The following GABPB2 variants were observed in gnomAD, a reference collection of about 807,000 sequenced individuals.
GABPB2 encodes the protein GA binding protein transcription factor subunit beta 2, also known as GA-binding protein subunit beta-2.
GABPB2 carries 23 observed loss-of-function variants against 39.1 expected under a neutral mutation model. The ratio of observed to expected loss-of-function variants is 0.59; its 90% CI spans 0.42 to 0.83. The LOEUF is 0.83. Among genes scored for constraint, GABPB2 ranks in the 40% least tolerant of loss-of-function variants. The pLI, the probability that GABPB2 is intolerant of heterozygous loss-of-function variation, is 0.00. For missense variants in GABPB2, 467 were observed against 541.1 expected (o/e 0.86, Z 1.36); for synonymous variants, 184 against 199.3 (o/e 0.92, Z 0.65).
chr1:151,117,121 A>C (rs1019789617), intron 7 of GABPB2, among the ~76,000 whole-genome samples: 3 of 151,998 alleles, frequency 2.0e-5, no homozygotes, highest in Non-Finnish European at 4.4e-5. Flanking sequence ...ATTCAAAGAG[A>C]TATTAAAAAT....
chr1:151,083,905 T>C (rs1677936912), intron 1 of GABPB2, among the ~76,000 whole-genome samples: 1 of 150,460 alleles, frequency 6.6e-6, no homozygotes, highest in South Asian at 2.1e-4. Context: ...CATGCCCGGC[T>C]AATTTTTGTA....
At chr1:151,094,043 C>CTT (rs59092942) in intron 4 of GABPB2, among the ~76,000 whole-genome samples, 2 of 54,014 alleles carry the variant, frequency 3.7e-5, no homozygotes, top group Admixed American at 2.7e-4. Flanking sequence ...TGATTTCGTC[C>CTT]TTTTTTTTTT....
chr1:151,081,030 GC>G (rs1433524115), intron 1 of GABPB2, among the ~76,000 whole-genome samples: 1 of 149,832 alleles, frequency 6.7e-6, no homozygotes, highest in Non-Finnish European at 1.5e-5. Context: ...CCACCACCAC[GC>G]CCAGCTAATT....
At chr1:151,077,433 T>A (rs1677266563) in intron 1 of GABPB2, among the ~76,000 whole-genome samples, 1 of 141,914 alleles carries the variant, frequency 7.0e-6, no homozygotes, top group Non-Finnish European at 1.5e-5. Flanking sequence ...CTCGGCTCAC[T>A]GCAGCCTCTA....
intron 5 of GABPB2, among the ~76,000 whole-genome samples, chr1:151,099,342 C>T (rs111612761): frequency 3.4e-4 from 51 of 151,996 alleles, no homozygotes; most frequent in African/African-American, 1.2e-3. Flanking sequence ...GGACTACAGG[C>T]ATGTGCCACC....
At chr1:151,083,635 A>G (rs989843405) in intron 1 of GABPB2, among the ~76,000 whole-genome samples, 1 of 150,126 alleles carries the variant, frequency 6.7e-6, no homozygotes, top group Non-Finnish European at 1.5e-5. Context: ...CTCCGTCTCT[A>G]TAGAGAGAAA....
intron 4 of GABPB2, among the ~76,000 whole-genome samples, chr1:151,095,977 G>T (rs1219283067): frequency 1.3e-5 from 2 of 149,810 alleles, no homozygotes; most frequent in African/African-American, 4.9e-5. Flanking sequence ...AGGTTGTAGT[G>T]AGCTGAGCTG....
chr1:151,111,444 A>G (rs918413395), intron 7 of GABPB2, among the ~76,000 whole-genome samples: 1 of 147,400 alleles, frequency 6.8e-6, no homozygotes, highest in African/African-American at 2.5e-5. Context: ...TTTTTTTGAG[A>G]CAGAGTCTCG....
rs750544372 is a variant in GABPB2, at chr1:151,090,556, G to A, written c.259G>A (p.Val87Met). The A allele has an allele frequency of 1.1e-5, 18 of 1,613,634 alleles. No individual in the cohort carries two copies. In the African/African-American group the frequency reaches 1.2e-4, roughly 11 times the overall value. Reference sequence around the variant, plus strand: ...TGCAGCCGATGGACATGCGCACATCGTGGAACTGCTTGTTCGGGTAAAGCA... The same window carrying A: ...TGCAGCCGATGGACATGCGCACATCATGGAACTGCTTGTTCGGGTAAAGCA... The part of the protein sequence containing the change: ...MAAADGHAHI[V>M]ELLVRNGADV... The change falls in exon 3 of 9, where the codon GTG becomes ATG. Residue 87 changes from valine (V) to methionine (M), a missense_variant. Coordinates refer to ENST00000368918, the MANE Select transcript of GABPB2 (RefSeq NM_144618.3).
chr1:151,100,477 C>T (rs1307991913), intron 5 of GABPB2, among the ~76,000 whole-genome samples: 1 of 151,212 alleles, frequency 6.6e-6, no homozygotes, highest in Admixed American at 6.6e-5. Context: ...GATGGGGTTT[C>T]ACCATGTTGC....
chr1:151,093,483 A>G, intron 4 of GABPB2, 97 bp downstream of exon 4: 1 of 867,950 alleles, frequency 1.2e-6, no homozygotes, highest in Non-Finnish European at 1.7e-6. Flanking sequence ...CTATTTTATT[A>G]AAGTAGCACT....
chr1:151,096,253 G>C (rs928275328), intron 4 of GABPB2, among the ~76,000 whole-genome samples: 1 of 151,986 alleles, frequency 6.6e-6, no homozygotes, highest in Non-Finnish European at 1.5e-5. Flanking sequence ...ATGAAACCCT[G>C]TCTCTACTAA....
intron 7 of GABPB2, among the ~76,000 whole-genome samples, chr1:151,111,389 C>T (rs1003516746): frequency 4.1e-5 from 6 of 145,350 alleles, no homozygotes; most frequent in Non-Finnish European, 6.0e-5. Flanking sequence ...GATTACAAGG[C>T]GCCCACCACC....
At chr1:151,094,878 C>T (rs1293915032) in intron 4 of GABPB2, among the ~76,000 whole-genome samples, 10 of 151,166 alleles carry the variant, frequency 6.6e-5, no homozygotes, top group South Asian at 2.1e-4. Context: ...GGCATGGTGA[C>T]GTGTGCCTGT....
In GABPB2 at chr1:151,109,298, TTATATA is replaced by T. The variant is rs33932552; in HGVS notation, c.922+2091_922+2096del. 2.2e-5 allele frequency among the ~76,000 whole-genome samples: 3 copies of T among 139,496 alleles called. 1 individual carries two copies. The highest frequency in any genetic ancestry group is 7.2e-3 in the Middle Eastern group (2 of 276). 91.5% of individuals were successfully genotyped at this position (139,496 alleles called of 152,430 possible). A position where few individuals can be genotyped will look rare whatever the true frequency, so the allele number is the denominator to read the frequency against. ...ACTTGGCTTAAATGATTGTGGGGAT[TTATATA>T]TATATATATATATACACACAAATAT... On this transcript the variant is annotated intron_variant, in intron 7 of 8. Coordinates refer to ENST00000368918, the MANE Select transcript of GABPB2 (RefSeq NM_144618.3).
At chr1:151,098,525 A>G (rs1679280551) in intron 5 of GABPB2, among the ~76,000 whole-genome samples, 1 of 151,840 alleles carries the variant, frequency 6.6e-6, no homozygotes, top group East Asian at 1.9e-4. Flanking sequence ...AAAGGAAAAT[A>G]TTGTACAGAT....
intron 6 of GABPB2, among the ~76,000 whole-genome samples, chr1:151,106,262 A>G (rs1679959595): frequency 6.8e-6 from 1 of 147,194 alleles, no homozygotes; most frequent in South Asian, 2.2e-4. Flanking sequence ...GTGCCCAGCC[A>G]TTTTAGACTT....
rs747667225 is a variant in GABPB2, at chr1:151,122,260, C to A, written c.*4004C>A. On this transcript the variant is annotated 3_prime_UTR_variant, in exon 9 of 9. Coordinates refer to ENST00000368918, the MANE Select transcript of GABPB2 (RefSeq NM_144618.3). ...TCTCCACAGATCTGAGTACTTAACA[C>A]TTCCCAGATGATTGGAGAATATTCT... The A allele has an allele frequency of 1.5e-4, 23 of 152,228 alleles. No individual in the cohort carries two copies. Among genetic ancestry groups the A allele is most frequent in the Non-Finnish European group, 2.6e-4 (18 of 68,050 alleles). The allele number at this position is 152,228 out of a possible 1,614,324, so 9.4% of individuals were successfully genotyped here.
chr1:151,112,937 A>ATT (rs761548195), intron 7 of GABPB2, among the ~76,000 whole-genome samples: 1 of 140,504 alleles, frequency 7.1e-6, no homozygotes. Context: ...CGCCTGGCTA[A>ATT]TTTTTTTTTT....
Sources: gnomAD v4.1 joint callset for allele counts (sites outside exome capture counted in the v4.1 genomes callset) on GRCh38, gnomAD v4.1.1 for gene constraint, MANE v1.5 for transcripts, NCBI Gene and HGNC (gene_info 2026-07-23, HGNC 2026-07-21) for gene names.